Variants in MRPL44 observed in about 807,000 individuals in gnomAD.
MRPL44 encodes mitochondrial ribosomal protein L44.
MRPL44 carries 21 observed loss-of-function variants against 25.9 expected under a neutral mutation model. That is an observed-to-expected ratio of 0.81 (90% CI 0.58 to 1.17). The LOEUF is 1.17. Ranked by LOEUF, MRPL44 falls within the 50% of genes most tolerant of loss-of-function variation. The pLI is 0.00. For synonymous variants in MRPL44, 169 were observed against 151.0 expected (o/e 1.12, Z -0.87); for missense variants, 410 against 398.9 (o/e 1.03, Z -0.24).
At chr2:223,958,022 G>GA (rs552013401) in intron 1 of MRPL44, among the ~76,000 whole-genome samples, 26 of 151,882 alleles carry the variant, frequency 1.7e-4, no homozygotes, top group African/African-American at 5.3e-4. Flanking sequence ...AAATTAAGGA[G>GA]AAAAAAAATT....
At chr2:223,954,447 G>A (rs1246908188), upstream of MRPL44, among the ~76,000 whole-genome samples, 1 of 152,216 alleles carries the variant, frequency 6.6e-6, no homozygotes, top group Non-Finnish European at 1.5e-5. Flanking sequence ...AGGAGTTTGG[G>A]AGCAGTTTAG....
upstream of MRPL44, among the ~76,000 whole-genome samples, chr2:223,956,784 A>T (rs1328334756): frequency 6.6e-6 from 1 of 152,216 alleles, no homozygotes; most frequent in Non-Finnish European, 1.5e-5. Flanking sequence ...GTACTGTATT[A>T]ACAGTTTGGT....
upstream of MRPL44, among the ~76,000 whole-genome samples, chr2:223,956,035 T>A (rs2106114350): frequency 6.6e-6 from 1 of 152,362 alleles, no homozygotes; most frequent in South Asian, 2.1e-4. Flanking sequence ...TAACTTAACA[T>A]GATTGTGCTA....
chr2:223,952,354 TTG>T, the MRPL44 span, among the ~76,000 whole-genome samples: 1 of 152,220 alleles, frequency 6.6e-6, no homozygotes, highest in Non-Finnish European at 1.5e-5. Context: ...CTGTGGGTTC[TTG>T]GTCCCATTCG....
chr2:223,966,903 T>C lies in MRPL44; in HGVS notation c.868T>C (p.Leu290=), dbSNP rs1689749529. ...TGCAGAAGGACCTGGGGAAACAGTA[T>C]TGGTTGCAGAAGAAGAGGCTGCTCG... ...LIAEGPGETV[L]VAEEEAARVA... Residue 290 remains leucine, a synonymous_variant, in exon 4 of 4, where the codon TTG becomes CTG. Coordinates refer to ENST00000258383, the MANE Select transcript of MRPL44 (RefSeq NM_022915.5). 1.9e-6 allele frequency: 3 copies of C among 1,614,038 alleles called. No homozygotes were observed. Among genetic ancestry groups the C allele is most frequent in the Admixed American group, 1.7e-5 (1 of 59,986 alleles).
intron 2 of MRPL44, 149 bp downstream of exon 2, chr2:223,960,151 A>G (rs571692186): frequency 1.3e-5 from 8 of 621,478 alleles, no homozygotes; most frequent in Admixed American, 6.3e-5. Context: ...GAAGGGCTGT[A>G]ATTATTCCAG....
Position 223,967,244 on chromosome 2 carries a change from T to G in MRPL44, c.*210T>G, listed in dbSNP as rs762405120. ...TTGGTTTGATCAAATCTTTTTTTTTTTCTCTTGAGATGGAGTCTTACTCTG... is the reference window on the plus strand; with the variant it reads ...TTGGTTTGATCAAATCTTTTTTTTTGTCTCTTGAGATGGAGTCTTACTCTG... On this transcript the variant is annotated 3_prime_UTR_variant, in exon 4 of 4. Transcript: ENST00000258383. The G allele has an allele frequency of 5.5e-6, 3 of 541,814 alleles. No individual in the cohort carries two copies. The highest frequency in any genetic ancestry group is 7.1e-5 in the Admixed American group (2 of 28,268). 33.6% of individuals were successfully genotyped at this position (541,814 alleles called of 1,614,324 possible).
rs750162389 is a variant in MRPL44, at chr2:223,959,596, A to T, written c.242A>T (p.Glu81Val). 6.2e-7 allele frequency: 1 copy of T among 1,614,096 alleles called. No homozygotes were observed. The highest frequency in any genetic ancestry group is 8.5e-7 in the Non-Finnish European group (1 of 1,179,994). Residue 81 changes from glutamate to valine, a missense_variant, in exon 2 of 4, where the codon GAA becomes GTA. Transcript: ENST00000258383. The part of the protein sequence containing the change: ...EIQAFGHRLQ[E>V]NFSLDLLKTA... ...CAAGCTTTTGGACATCGGTTACAGG[A>T]AAACTTTTCCTTAGATCTTCTCAAA... is the stretch of plus-strand genomic sequence containing the variant.
upstream of MRPL44, among the ~76,000 whole-genome samples, chr2:223,956,829 T>TA (rs1010965705): frequency 3.3e-5 from 5 of 151,560 alleles, no homozygotes; most frequent in African/African-American, 1.2e-4. Context: ...TAAAGAGTGT[T>TA]AACATAAAGA....
the MRPL44 span, among the ~76,000 whole-genome samples, chr2:223,951,857 C>T: frequency 1.3e-5 from 2 of 152,272 alleles, no homozygotes; most frequent in Non-Finnish European, 2.9e-5. Flanking sequence ...TCATGCTAGA[C>T]TTCCTTGAGG....
chr2:223,959,633 T>C lies in MRPL44; in HGVS notation c.279T>C (p.Val93=), dbSNP rs1317771493. Residue 93 remains valine (V), a synonymous_variant, in exon 2 of 4, where the codon GTT becomes GTC. Coordinates refer to ENST00000258383, the MANE Select transcript of MRPL44 (RefSeq NM_022915.5). Reference sequence around the variant, plus strand: ...TAGATCTTCTCAAAACTGCATTTGTTAATAGCTGCTATATTAAAAGTGAGG... The same window carrying C: ...TAGATCTTCTCAAAACTGCATTTGTCAATAGCTGCTATATTAAAAGTGAGG... ...FSLDLLKTAF[V]NSCYIKSEEA... The C allele has an allele frequency of 6.2e-7, 1 of 1,614,232 alleles. No individual in the cohort carries two copies. Among genetic ancestry groups the C allele is most frequent in the East Asian group, 2.2e-5 (1 of 44,886 alleles).
chr2:223,957,829 G>C (rs1012670175), intron 1 of MRPL44, among the ~76,000 whole-genome samples, 178 bp downstream of exon 1: 8 of 152,194 alleles, frequency 5.3e-5, no homozygotes, highest in African/African-American at 1.9e-4. Context: ...TTTGTGCCGC[G>C]GGCGGTAGAG....
chr2:223,956,116 A>G (rs1689559920), upstream of MRPL44, among the ~76,000 whole-genome samples: 1 of 152,184 alleles, frequency 6.6e-6, no homozygotes, highest in Admixed American at 6.5e-5. Context: ...ATTTTCTCCT[A>G]ATCCATTTAT....
intron 1 of MRPL44, among the ~76,000 whole-genome samples, chr2:223,957,957 G>A (rs1689598322): frequency 1.3e-5 from 2 of 152,162 alleles, no homozygotes; most frequent in African/African-American, 4.8e-5. Flanking sequence ...TGTAGTCCCC[G>A]TTTGTAATGC....
chr2:223,963,214 C>A (rs999437075), intron 2 of MRPL44, among the ~76,000 whole-genome samples: 2 of 152,014 alleles, frequency 1.3e-5, no homozygotes, highest in Non-Finnish European at 2.9e-5. Context: ...GAAGCCAAGG[C>A]AGGAGGATCC....
chr2:223,957,481 C>G lies in MRPL44; in HGVS notation c.9C>G (p.Ser3=). ...TCGTTTTCTCTCGTGCAATGGCGTC[C>G]GGGCTGGTAAGATTGCTGCAGCAGG... MA[S]GLVRLLQQGH... is the part of the protein sequence containing the mutation. The change falls in exon 1 of 4, where the codon TCC becomes TCG. Residue 3 remains serine (S), a synonymous_variant. Coordinates refer to ENST00000258383, the MANE Select transcript of MRPL44 (RefSeq NM_022915.5). The G allele has an allele frequency of 6.2e-7, 1 of 1,614,158 alleles. No individual in the cohort carries two copies. Among genetic ancestry groups the G allele is most frequent in the Non-Finnish European group, 8.5e-7 (1 of 1,180,032 alleles).
rs757845862 is a variant in MRPL44, at chr2:223,957,562, A to T, written c.90A>T (p.Gly30=). Residue 30 remains glycine (G), a synonymous_variant, in exon 1 of 4, where the codon GGA becomes GGT. Coordinates refer to ENST00000258383, the MANE Select transcript of MRPL44 (RefSeq NM_022915.5). ...CCAAGCTGGTCCCTCCGGTTCGGGG[A>T]GTGAAGAAGGGATTCCGCGCCGCCT... ...VAPKLVPPVR[G]VKKGFRAAFR... 3.1e-6 allele frequency: 5 copies of T among 1,613,830 alleles called. No individual in the cohort carries two copies. In the South Asian group the frequency reaches 5.5e-5, roughly 18 times the overall value.
chr2:223,961,527 A>G lies in MRPL44; in HGVS notation c.648+1525A>G, dbSNP rs372024511. On this transcript the variant is annotated intron_variant, in intron 2 of 3. Transcript: ENST00000258383. ...CTCAGAGTACATAATCTCTGGGAGT[A>G]GGGCCTAGGAATTTGTATTTTAACT... Among the ~76,000 whole-genome samples, 12 of 152,322 alleles carry G rather than the reference A, an allele frequency of 7.9e-5. No individual in the cohort carries two copies. The East Asian group carries it at 1.3e-3, about 17-fold the overall frequency.
the MRPL44 span, among the ~76,000 whole-genome samples, chr2:223,951,645 A>G: frequency 6.6e-6 from 1 of 151,892 alleles, no homozygotes; most frequent in African/African-American, 2.4e-5. Flanking sequence ...CGCCAGGCTA[A>G]TTTTTGTATT....
Sources: gnomAD v4.1 joint callset for allele counts (sites outside exome capture counted in the v4.1 genomes callset) on GRCh38, gnomAD v4.1.1 for gene constraint, MANE v1.5 for transcripts, NCBI Gene and HGNC (gene_info 2026-07-23, HGNC 2026-07-21) for gene names.